Variants in CCDC134 observed in about 807,000 individuals in gnomAD.
The protein encoded by CCDC134 is coiled-coil domain-containing protein 134.
A neutral mutation model predicts 25.6 loss-of-function variants in CCDC134; 27 were observed. The ratio of observed to expected loss-of-function variants is 1.05; its 90% CI spans 0.78 to 1.45. CCDC134 has a LOEUF of 1.45. CCDC134 is among the 40% of genes most tolerant of loss of function. CCDC134 has a pLI of 0.00. For missense variants in CCDC134, 261 were observed against 286.7 expected (o/e 0.91, Z 0.65); for synonymous variants, 110 against 115.0 (o/e 0.96, Z 0.28).
rs1415101528 is a variant in CCDC134, at chr22:41,809,987, A to G, written c.212A>G (p.Lys71Arg). ...QQYKILDVML[K>R]GLFKVLEDSR... ...TACAAGATCCTTGATGTCATGCTCAAGGGGCTCTTTAAGGTGTGTGCAGGC... is the reference window on the plus strand; with the variant it reads ...TACAAGATCCTTGATGTCATGCTCAGGGGGCTCTTTAAGGTGTGTGCAGGC... The change falls in exon 3 of 7, where the codon AAG becomes AGG. Residue 71 changes from lysine (K) to arginine (R), a missense_variant. Coordinates refer to ENST00000255784, the MANE Select transcript of CCDC134 (RefSeq NM_024821.5). 1 of 1,614,140 alleles carries G rather than the reference A, an allele frequency of 6.2e-7. No homozygotes were observed. Among genetic ancestry groups the G allele is most frequent in the Non-Finnish European group, 8.5e-7 (1 of 1,180,020 alleles).
At chr22:41,819,561 C>G (rs929302205) in intron 6 of CCDC134, among the ~76,000 whole-genome samples, 34 of 152,136 alleles carry the variant, frequency 2.2e-4, no homozygotes, top group African/African-American at 7.7e-4. Flanking sequence ...TAGCCCTGTT[C>G]TCCTGGGAGT....
At chr22:41,819,256 C>G (rs2076637501) in intron 6 of CCDC134, among the ~76,000 whole-genome samples, 1 of 152,202 alleles carries the variant, frequency 6.6e-6, no homozygotes, top group Non-Finnish European at 1.5e-5. Flanking sequence ...CTGTCCCTGT[C>G]CAGGGGGCTG....
rs779218554 is a variant in CCDC134, at chr22:41,813,788, A to G, written c.530A>G (p.Asn177Ser). Reference protein sequence around the residue: ...QELGISEKDSNFQNPFKIDRT... With the variant: ...QELGISEKDSSFQNPFKIDRT... ...CTGGGGATCAGTGAGAAAGACTCCA[A>G]CTTCCAGAACCCATTTAAAATCGAC... The change falls in exon 6 of 7, where the codon AAC becomes AGC. Residue 177 changes from asparagine to serine, a missense_variant. Physicochemically the swap from Asn to Ser is conservative, Grantham distance 46 (BLOSUM62 1). Transcript: ENST00000255784. The G allele has an allele frequency of 1.9e-6, 3 of 1,614,170 alleles. No individual in the cohort carries two copies. In the South Asian group the frequency reaches 3.3e-5, roughly 18 times the overall value.
chr22:41,817,371 C>T (rs1455969630), intron 6 of CCDC134, among the ~76,000 whole-genome samples: 3 of 152,132 alleles, frequency 2.0e-5, no homozygotes, highest in Non-Finnish European at 4.4e-5. Context: ...GGCATCTAAA[C>T]GAGTGAGCCA....
Position 41,825,743 on chromosome 22 carries a change from G to T in CCDC134, c.610G>T (p.Glu204Ter), listed in dbSNP as rs1209368234. Residue 204 changes from glutamate (E) to a stop codon, truncating the protein, a stop_gained, in exon 7 of 7, where the codon GAG (glutamate) becomes TAG (stop). Transcript: ENST00000255784. LOFTEE classifies it high-confidence loss of function. The surrounding 1 kb of genome is among the most constrained non-coding windows in gnomAD (Gnocchi z 4.4). The part of the protein sequence containing the change: ...DPFQKALREE[E>*]KRRKKEEKRK... ...TTTCCAGAAGGCCCTGAGAGAAGAA[G>T]AGAAACGCCGAAAGAAAGAGGAGAA... The T allele has an allele frequency of 6.2e-7, 1 of 1,614,188 alleles. No homozygotes were observed. Among genetic ancestry groups the T allele is most frequent in the South Asian group, 1.1e-5 (1 of 91,084 alleles).
intron 6 of CCDC134, among the ~76,000 whole-genome samples, chr22:41,818,080 C>T (rs78594100): frequency 0.011 from 1,625 of 152,178 alleles, 15 homozygotes; most frequent in Non-Finnish European, 0.015. Context: ...TTCATGGCCA[C>T]GATTTACTAC....
chr22:41,819,670 A>G (rs890534970), intron 6 of CCDC134, among the ~76,000 whole-genome samples: 27 of 151,994 alleles, frequency 1.8e-4, no homozygotes, highest in African/African-American at 5.8e-4. Flanking sequence ...GAATGTGGTT[A>G]AGGAATGCCC....
rs145822750 is a variant in CCDC134 at position 41,825,527 on chromosome 22, A to G, written c.565-171A>G. ...CCGTTGGTTTGGCAAACTCCTGCTT[A>G]TCTTCCAACACCCACTCAGCAGTTC... On this transcript the variant is annotated intron_variant, in intron 6 of 6. Coordinates refer to ENST00000255784, the MANE Select transcript of CCDC134 (RefSeq NM_024821.5). The surrounding 1 kb of genome is among the most constrained non-coding windows in gnomAD (Gnocchi z 4.4). Among the ~76,000 whole-genome samples the G allele has an allele frequency of 2.0e-5, 3 of 152,062 alleles. No homozygotes were observed. In the East Asian group the frequency reaches 5.8e-4, roughly 29 times the overall value.
At chr22:41,814,358 G>A (rs1020301034) in intron 6 of CCDC134, among the ~76,000 whole-genome samples, 1 of 152,162 alleles carries the variant, frequency 6.6e-6, no homozygotes, top group African/African-American at 2.4e-5. Flanking sequence ...CTGAGGTCAG[G>A]AGTTCGAGAC....
chr22:41,824,928 G>T (rs925835204), intron 6 of CCDC134, among the ~76,000 whole-genome samples: 9 of 152,100 alleles, frequency 5.9e-5, no homozygotes, highest in African/African-American at 2.2e-4. Flanking sequence ...ATGGGTTTGA[G>T]AGAGATTTAG....
intron 6 of CCDC134, among the ~76,000 whole-genome samples, chr22:41,815,250 G>A (rs1299665743): frequency 2.1e-5 from 3 of 141,478 alleles, no homozygotes; most frequent in Non-Finnish European, 4.5e-5. Context: ...CTGTCGCCCA[G>A]GCTGGAGTAC....
intron 4 of CCDC134, among the ~76,000 whole-genome samples, chr22:41,811,062 T>C (rs1056590818): frequency 6.6e-6 from 1 of 152,166 alleles, no homozygotes; most frequent in Non-Finnish European, 1.5e-5. Context: ...TGGCATATCT[T>C]TGGAGTCTAC....
At chr22:41,814,031 T>A (rs964198071) in intron 6 of CCDC134, among the ~76,000 whole-genome samples, 5 of 152,190 alleles carry the variant, frequency 3.3e-5, no homozygotes, top group African/African-American at 1.2e-4. Flanking sequence ...GTTCACAGCA[T>A]GTGAACTCCA....
In CCDC134 at chr22:41,808,902, T is replaced by G. The variant is rs2076580969; in HGVS notation, c.12T>G (p.Leu4=). 2 of 1,614,086 alleles carry G rather than the reference T, an allele frequency of 1.2e-6. No homozygotes were observed. Among genetic ancestry groups the G allele is most frequent in the African/African-American group, 1.3e-5 (1 of 74,940 alleles). ...CAAGAGGTTTGGATATGGACCTTCT[T>G]CAATTCCTGGCCTTCCTCTTTGTCC... MDL[L]QFLAFLFVLL... Residue 4 remains leucine, a synonymous_variant, in exon 2 of 7, where the codon CTT becomes CTG. Coordinates refer to ENST00000255784, the MANE Select transcript of CCDC134 (RefSeq NM_024821.5).
At chr22:41,822,155 G>A (rs1390251545) in intron 6 of CCDC134, among the ~76,000 whole-genome samples, 2 of 152,138 alleles carry the variant, frequency 1.3e-5, no homozygotes, top group Non-Finnish European at 2.9e-5. Context: ...AGGGTAGCTT[G>A]AAGACAGGAG....
At chr22:41,811,550 TCC>T (rs2076596500) in intron 4 of CCDC134, among the ~76,000 whole-genome samples, 1 of 152,140 alleles carries the variant, frequency 6.6e-6, no homozygotes, top group Non-Finnish European at 1.5e-5. Context: ...TGCCTCAGCC[TCC>T]CGAGTAGCTG....
At chr22:41,819,976 T>TATATAC (rs1239348297) in intron 6 of CCDC134, among the ~76,000 whole-genome samples, 203 of 115,202 alleles carry the variant, frequency 1.8e-3, no homozygotes, top group Middle Eastern at 8.5e-3. Context: ...TATATATATA[T>TATATAC]ATATATATAT....
chr22:41,804,887 T>G (rs1223734991), intron 1 of CCDC134, among the ~76,000 whole-genome samples: 2 of 152,136 alleles, frequency 1.3e-5, no homozygotes, highest in African/African-American at 2.4e-5. Context: ...CTGGCCAACA[T>G]GGTGAAACGC....
Position 41,829,570 on chromosome 22 carries a change from T to C in CCDC134, c.*3747T>C, listed in dbSNP as rs528306829. On this transcript the variant is annotated 3_prime_UTR_variant, in exon 7 of 7. Coordinates refer to ENST00000255784, the MANE Select transcript of CCDC134 (RefSeq NM_024821.5). The stretch of plus-strand genomic sequence containing the variant: ...CAATTGGAAGGCTTCCTAGAGGAAG[T>C]AATATCTGAACTGAATCCTGAAAGA... 1.3e-5 allele frequency among the ~76,000 whole-genome samples: 2 copies of C among 152,062 alleles called. No homozygotes were observed. Among genetic ancestry groups the C allele is most frequent in the Non-Finnish European group, 2.9e-5 (2 of 68,016 alleles).
Sources: gnomAD v4.1 joint callset for allele counts (sites outside exome capture counted in the v4.1 genomes callset) on GRCh38, gnomAD v4.1.1 for gene constraint, Gnocchi (gnomAD v3.1) non-coding constraint, MANE v1.5 for transcripts, NCBI Gene and HGNC (gene_info 2026-07-23, HGNC 2026-07-21) for gene names.